Variants in MYO18A observed in about 807,000 individuals in gnomAD.
The protein encoded by MYO18A is myosin XVIIIA.
In MYO18A, 78 loss-of-function variants were observed where a neutral mutation model predicts 235.8. The ratio of observed to expected loss-of-function variants is 0.33; its 90% CI spans 0.28 to 0.40. The LOEUF is 0.40. Ranked by LOEUF, MYO18A falls within the 10% of genes least tolerant of loss-of-function variation. The pLI, the probability that MYO18A is intolerant of heterozygous loss-of-function variation, is 1.00. For synonymous variants in MYO18A, 977 were observed against 1,077.8 expected (o/e 0.91, Z 1.83); for missense variants, 2,215 against 2,699.3 (o/e 0.82, Z 3.98).
intron 22 of MYO18A, 74 bp from the exon 23 acceptor site, chr17:29,099,043 C>A (rs1423218898): frequency 6.3e-7 from 1 of 1,576,652 alleles, no homozygotes; most frequent in Non-Finnish European, 8.6e-7. Context: ...GGATCCTCCC[C>A]ACCACCAGCA....
At position 29,083,521 on chromosome 17, in the gene MYO18A, T is replaced by C. The variant is rs1424069434; in HGVS notation, c.5898-1083A>G. Among the ~76,000 whole-genome samples the C allele has an allele frequency of 2.6e-4, 15 of 58,580 alleles. 1 individual carries two copies. Among genetic ancestry groups the C allele is most frequent in the Non-Finnish European group, 4.7e-4 (14 of 29,802 alleles). The allele number at this position is 58,580 out of a possible 152,430, so 38.4% of individuals were successfully genotyped here. A position where few individuals can be genotyped will look rare whatever the true frequency, so the allele number is the denominator to read the frequency against. ...AAATAAACAGCCACACAGGCATGTG[T>C]GCGCGCGCGCGCACACACACACACA... On this transcript the variant is annotated intron_variant, in intron 40 of 41. Coordinates refer to ENST00000527372, the MANE Select transcript of MYO18A (RefSeq NM_078471.4).
rs757375857 is a variant in MYO18A, at chr17:29,092,417, C to T, written c.5113G>A (p.Ala1705Thr). 1 of 1,612,590 alleles carries T rather than the reference C, an allele frequency of 6.2e-7. No individual in the cohort carries two copies. The highest frequency in any genetic ancestry group is 8.5e-7 in the Non-Finnish European group (1 of 1,179,816). The change falls in exon 34 of 42, where the codon GCA (alanine) becomes ACA (threonine). Residue 1705 changes from alanine (A) to threonine (T), a missense_variant. Ala to Thr is a moderately conservative substitution (Grantham distance 58). Transcript: ENST00000527372. ...ATCTCCACCTCCATTGCTTTCCGTG[C>T]TTTCACGGCTGCCGCACAGGTGAAC... ...SEFTCAAAVK[A>T]RKAMEVEIED... is the part of the protein sequence containing the mutation.
Position 29,073,821 on chromosome 17 carries a change from T to G in MYO18A, c.*949A>C. 6.4e-7 allele frequency: 1 copy of G among 1,558,422 alleles called. No homozygotes were observed. Among genetic ancestry groups the G allele is most frequent in the Non-Finnish European group, 8.7e-7 (1 of 1,145,972 alleles). ...ATGTCTAATGAGCACCGGCCAAAAC[T>G]TCCATCTTCAGTTTTTCTGATCACA... On this transcript the variant is annotated 3_prime_UTR_variant, in exon 42 of 42. Transcript: ENST00000527372.
Position 29,116,306 on chromosome 17 carries a change from A to G in MYO18A, c.2050+138T>C, listed in dbSNP as rs574797967. ...TGGCATCTGCCAGTGGAGACCACAA[A>G]CACCCACTGATGGCCCAACAGTGGG... On this transcript the variant is annotated intron_variant, in intron 11 of 41. Coordinates refer to ENST00000527372, the MANE Select transcript of MYO18A (RefSeq NM_078471.4). The G allele has an allele frequency of 5.4e-4, 507 of 932,556 alleles. 3 individuals are homozygous for G. In the African/African-American group the frequency reaches 7.8e-3, roughly 14 times the overall value. 57.8% of individuals were successfully genotyped at this position (932,556 alleles called of 1,614,324 possible).
At chr17:29,128,320 G>A (rs1294659006) in intron 2 of MYO18A, 1 of 1,248,822 alleles carries the variant, frequency 8.0e-7, no homozygotes, top group African/African-American at 1.6e-5. Context: ...GCTCCTCGCT[G>A]GGCAGCACCT....
intron 2 of MYO18A, among the ~76,000 whole-genome samples, chr17:29,143,248 A>G (rs527311737): frequency 6.6e-6 from 1 of 152,202 alleles, no homozygotes; most frequent in East Asian, 1.9e-4. Flanking sequence ...ACTTAAAACA[A>G]AACAAACAAA....
Position 29,140,199 on chromosome 17 carries a change from C to A in MYO18A, c.1000-17946G>T. ...TCTTACCAAGAAGCTCGGAGAGGAG[C>A]CCCAAGGCTGCCCCACCCCTCTCCC... On this transcript the variant is annotated intron_variant, in intron 2 of 41. Transcript: ENST00000527372. The surrounding 1 kb of genome is among the most constrained non-coding windows in gnomAD (Gnocchi z 4.2). The A allele has an allele frequency of 6.6e-6, 3 of 451,164 alleles. No individual in the cohort carries two copies. The highest frequency in any genetic ancestry group is 1.0e-5 in the Non-Finnish European group (3 of 292,504). The allele number at this position is 451,164 out of a possible 1,614,324, so 27.9% of individuals were successfully genotyped here.
intron 2 of MYO18A, among the ~76,000 whole-genome samples, chr17:29,156,374 G>A (rs2068066543): frequency 6.6e-6 from 1 of 152,082 alleles, no homozygotes; most frequent in Non-Finnish European, 1.5e-5. Context: ...GGGGGCAGGA[G>A]GCAGCCTGTC....
chr17:29,098,337 G>A lies in MYO18A; in HGVS notation c.3870+19C>T, dbSNP rs761001098. ...CCCTGCAGCCATGCCCAGTCGGTGT[G>A]GTGCCAGGAGTCACTCACCCGGCTC... On this transcript the variant is annotated intron_variant, in intron 24 of 41. Coordinates refer to ENST00000527372, the MANE Select transcript of MYO18A (RefSeq NM_078471.4). 1 of 1,612,458 alleles carries A rather than the reference G, an allele frequency of 6.2e-7. No homozygotes were observed. The highest frequency in any genetic ancestry group is 8.5e-7 in the Non-Finnish European group (1 of 1,178,756).
chr17:29,153,790 G>A (rs2068005144), intron 2 of MYO18A, among the ~76,000 whole-genome samples: 1 of 152,190 alleles, frequency 6.6e-6, no homozygotes, highest in Non-Finnish European at 1.5e-5. Flanking sequence ...CAGCAACAAT[G>A]AGAGCAGCAG....
chr17:29,128,482 C>A (rs181876135), intron 2 of MYO18A: 5 of 1,288,020 alleles, frequency 3.9e-6, no homozygotes, highest in Non-Finnish European at 5.1e-6. Context: ...CTGGGGGTAT[C>A]GGGCTGGTGG....
rs1403127997 is a variant in MYO18A at position 29,166,453 on chromosome 17, G to A, written c.488C>T (p.Pro163Leu). The change falls in exon 2 of 42, where the codon CCC (proline) becomes CTC (leucine). Residue 163 changes from proline (P) to leucine (L), a missense_variant. By Grantham distance (98) the Pro-to-Leu change is moderately conservative (BLOSUM62 -3). Coordinates refer to ENST00000527372, the MANE Select transcript of MYO18A (RefSeq NM_078471.4). Reference protein sequence around the residue: ...TSTPSEHSAAPSPQVEVRTLE... With the variant: ...TSTPSEHSAALSPQVEVRTLE... ...AGTCCTCACCTCCACCTGTGGCGAG[G>A]GGGCGGCAGAGTGCTCTGAGGGCGT... 6.2e-7 allele frequency: 1 copy of A among 1,613,682 alleles called. No homozygotes were observed. The highest frequency in any genetic ancestry group is 8.5e-7 in the Non-Finnish European group (1 of 1,179,904).
At chr17:29,110,248 C>T (rs2066896422) in intron 18 of MYO18A, 147 bp from the exon 19 acceptor site, 74 of 1,321,888 alleles carry the variant, frequency 5.6e-5, no homozygotes, top group Non-Finnish European at 6.9e-5. Context: ...ACTCTGCCCT[C>T]GCCGGGCCTC....
chr17:29,164,350 T>A (rs2068236695), intron 2 of MYO18A, among the ~76,000 whole-genome samples: 1 of 152,170 alleles, frequency 6.6e-6, no homozygotes, highest in South Asian at 2.1e-4. Flanking sequence ...CCTCCTCCCA[T>A]TCACTACCCT....
At chr17:29,162,387 A>G (rs1168481606) in intron 2 of MYO18A, among the ~76,000 whole-genome samples, 1 of 151,852 alleles carries the variant, frequency 6.6e-6, no homozygotes, top group African/African-American at 2.4e-5. Flanking sequence ...CTTCCCACAC[A>G]CCGTCTCCCA....
Position 29,117,612 on chromosome 17 carries a change from C to G in MYO18A, c.2038+433G>C, listed in dbSNP as rs112342835. Reference sequence around the variant, plus strand: ...CTCTGCAGCAACAGAACAAGCCCAGCCCCTAGAAAGTCCTGGGCAAGCACC... The same window carrying G: ...CTCTGCAGCAACAGAACAAGCCCAGGCCCTAGAAAGTCCTGGGCAAGCACC... On this transcript the variant is annotated intron_variant, in intron 10 of 41. Coordinates refer to ENST00000527372, the MANE Select transcript of MYO18A (RefSeq NM_078471.4). The surrounding 1 kb of genome is among the most constrained non-coding windows in gnomAD (Gnocchi z 4.6). Among the ~76,000 whole-genome samples the G allele has an allele frequency of 1.3e-3, 200 of 152,318 alleles. 1 individual carries two copies. Among genetic ancestry groups the G allele is most frequent in the African/African-American group, 4.4e-3 (184 of 41,550 alleles).
intron 40 of MYO18A, among the ~76,000 whole-genome samples, chr17:29,083,259 T>G (rs12603379): frequency 1.1e-4 from 16 of 151,912 alleles, no homozygotes; most frequent in Non-Finnish European, 2.2e-4. Flanking sequence ...CGGGCAGAGC[T>G]GACCTTAGCA....
intron 2 of MYO18A, among the ~76,000 whole-genome samples, chr17:29,157,967 T>C (rs1033684318): frequency 9.2e-5 from 14 of 152,146 alleles, no homozygotes; most frequent in African/African-American, 3.4e-4. Context: ...CTAATTTTTG[T>C]ATTTTTTGCA....
At chr17:29,143,702 A>G (rs1004965907) in intron 2 of MYO18A, among the ~76,000 whole-genome samples, 10 of 152,248 alleles carry the variant, frequency 6.6e-5, no homozygotes, top group Non-Finnish European at 1.5e-5. Flanking sequence ...CCTAAAAATA[A>G]CCAACATATA....
Sources: gnomAD v4.1 joint callset for allele counts (sites outside exome capture counted in the v4.1 genomes callset) on GRCh38, gnomAD v4.1.1 for gene constraint, Gnocchi (gnomAD v3.1) non-coding constraint, MANE v1.5 for transcripts, NCBI Gene and HGNC (gene_info 2026-07-23, HGNC 2026-07-21) for gene names.